Variants in SSH2 observed in about 807,000 individuals in gnomAD.
SSH2 encodes slingshot protein phosphatase 2.
Under a neutral mutation model 135.2 loss-of-function variants are expected in SSH2, and 37 were observed. The ratio of observed to expected loss-of-function variants is 0.27; its 90% CI spans 0.21 to 0.36. SSH2 has a LOEUF of 0.36. Ranked by LOEUF, SSH2 falls within the 10% of genes least tolerant of loss-of-function variation. SSH2 has a pLI of 1.00. For synonymous variants in SSH2, 628 were observed against 646.2 expected (o/e 0.97, Z 0.43); for missense variants, 1,408 against 1,765.3 (o/e 0.80, Z 3.63).
At chr17:29,919,108 T>C (rs2066931215) in intron 1 of SSH2, among the ~76,000 whole-genome samples, 1 of 152,210 alleles carries the variant, frequency 6.6e-6, no homozygotes, top group Non-Finnish European at 1.5e-5. Flanking sequence ...TCTACTGACC[T>C]ATTTAATATC....
chr17:29,928,263 A>G (rs1385916249), intron 1 of SSH2: 1 of 317,684 alleles, frequency 3.1e-6, no homozygotes, highest in Non-Finnish European at 5.7e-6. Context: ...AAACTAGCAT[A>G]AAGTACTACA....
At chr17:29,888,931 C>CAAAAAAAAAAAAAAAAAAAAAAAAAAA in intron 1 of SSH2, among the ~76,000 whole-genome samples, 1 of 42,080 alleles carries the variant, frequency 2.4e-5, no homozygotes. Flanking sequence ...GACACTATCT[C>CAAAAAAAAAAAAAAAAAAAAAAAAAAA]AAAAAAAAAA....
chr17:29,709,052 A>AGCGC (rs1555617878), intron 3 of SSH2, among the ~76,000 whole-genome samples: 32 of 144,596 alleles, frequency 2.2e-4, no homozygotes, highest in African/African-American at 6.9e-4. Context: ...AGAGAGAGAG[A>AGCGC]GCTAATAATA....
At chr17:29,709,015 T>TATATATATATATATAG (rs780981175) in intron 3 of SSH2, among the ~76,000 whole-genome samples, 48 of 81,586 alleles carry the variant, frequency 5.9e-4, no homozygotes, top group Admixed American at 1.3e-3. Flanking sequence ...TATATATATA[T>TATATATATATATATAG]AGAGAGAGAG....
intron 3 of SSH2, among the ~76,000 whole-genome samples, chr17:29,745,463 A>G (rs1046963810): frequency 1.3e-5 from 2 of 151,982 alleles, no homozygotes; most frequent in Non-Finnish European, 2.9e-5. Flanking sequence ...CCCAGCTACA[A>G]TGATACCCTT....
chr17:29,884,351 T>G (rs1332293871), intron 1 of SSH2, among the ~76,000 whole-genome samples: 1 of 152,222 alleles, frequency 6.6e-6, no homozygotes, highest in South Asian at 2.1e-4. Context: ...CAAATTGCTT[T>G]CTGATTGCTC....
chr17:29,698,992 C>G (rs912077898), intron 4 of SSH2, among the ~76,000 whole-genome samples: 9 of 152,138 alleles, frequency 5.9e-5, no homozygotes, highest in African/African-American at 1.9e-4. Context: ...CTCAAGTAAG[C>G]CTTCTTATGC....
intron 3 of SSH2, among the ~76,000 whole-genome samples, chr17:29,741,934 C>CTTTTTTTTTTTTT (rs71138848): frequency 1.1e-4 from 11 of 97,934 alleles, no homozygotes; most frequent in African/African-American, 1.6e-4. Flanking sequence ...ATTTTTTTTT[C>CTTTTTTTTTTTTT]TTTTTTTTTT....
At chr17:29,695,603 T>G in intron 4 of SSH2, 80 bp from the exon 5 acceptor site, 1 of 1,279,916 alleles carries the variant, frequency 7.8e-7, no homozygotes, top group Non-Finnish European at 1.1e-6. Context: ...TTTAGTGACT[T>G]TTGTAAAAGA....
At chr17:29,886,762 A>G (rs908136154) in intron 1 of SSH2, among the ~76,000 whole-genome samples, 12 of 151,952 alleles carry the variant, frequency 7.9e-5, no homozygotes, top group Non-Finnish European at 1.6e-4. Flanking sequence ...AAAAAAAAAA[A>G]AAAGTTTGAA....
intron 3 of SSH2, among the ~76,000 whole-genome samples, chr17:29,762,756 A>G (rs1442782593): frequency 6.6e-6 from 1 of 152,188 alleles, no homozygotes; most frequent in Admixed American, 6.5e-5. Context: ...TGGGGCTGGC[A>G]TGGTGCAGGC....
intron 3 of SSH2, among the ~76,000 whole-genome samples, chr17:29,731,469 ATTTT>A (rs1240636634): frequency 7.6e-6 from 1 of 132,242 alleles, no homozygotes; most frequent in Non-Finnish European, 1.7e-5. Flanking sequence ...TTATTTATTT[ATTTT>A]GAGATGGAGT....
chr17:29,844,008 C>G (rs1376268456), intron 2 of SSH2, among the ~76,000 whole-genome samples: 1 of 152,150 alleles, frequency 6.6e-6, no homozygotes, highest in African/African-American at 2.4e-5. Context: ...CCAAATAATT[C>G]TTACATTTTA....
chr17:29,849,676 T>G (rs2065515095), intron 1 of SSH2, among the ~76,000 whole-genome samples: 1 of 150,928 alleles, frequency 6.6e-6, no homozygotes, highest in Non-Finnish European at 1.5e-5. Flanking sequence ...CCTAGCCTCA[T>G]TAGCTCTCTG....
chr17:29,765,778 G>A (rs1001883435), intron 3 of SSH2, among the ~76,000 whole-genome samples: 1 of 152,006 alleles, frequency 6.6e-6, no homozygotes, highest in Non-Finnish European at 1.5e-5. Flanking sequence ...TCAGCATTTT[G>A]GGAGGCCGAG....
intron 1 of SSH2, among the ~76,000 whole-genome samples, chr17:29,882,855 G>T (rs556072594): frequency 7.2e-5 from 11 of 152,176 alleles, no homozygotes; most frequent in South Asian, 2.1e-4. Context: ...GTAGAGACGG[G>T]GTATCACTAT....
intron 7 of SSH2, 78 bp from the exon 8 acceptor site, chr17:29,676,963 C>T (rs1284889650): frequency 7.1e-6 from 9 of 1,262,424 alleles, no homozygotes; most frequent in South Asian, 2.4e-5. Flanking sequence ...ATGGATGTAT[C>T]CCAGGCTAAA....
chr17:29,762,112 C>T (rs948137111), intron 3 of SSH2, among the ~76,000 whole-genome samples: 4 of 152,030 alleles, frequency 2.6e-5, no homozygotes, highest in Admixed American at 6.6e-5. Flanking sequence ...AACTCCTGAC[C>T]TCCGGTGATC....
intron 3 of SSH2, among the ~76,000 whole-genome samples, chr17:29,742,089 C>T (rs1018365401): frequency 1.3e-5 from 2 of 151,746 alleles, no homozygotes; most frequent in Admixed American, 1.3e-4. Flanking sequence ...CGTGTGCCAC[C>T]ATGTCCGATT....
Sources: gnomAD v4.1 joint callset for allele counts (sites outside exome capture counted in the v4.1 genomes callset) on GRCh38, gnomAD v4.1.1 for gene constraint, MANE v1.5 for transcripts, NCBI Gene and HGNC (gene_info 2026-07-23, HGNC 2026-07-21) for gene names.